ATF2: variants seen among roughly 807,000 people sequenced by gnomAD.
The protein encoded by ATF2 is cyclic AMP-dependent transcription factor ATF-2.
A neutral mutation model predicts 60.6 loss-of-function variants in ATF2; 24 were observed. That is an observed-to-expected ratio of 0.40 (90% CI 0.29 to 0.56). The LOEUF (loss-of-function observed/expected upper bound fraction) is 0.56, where lower values mean the gene tolerates loss of function less well. Among genes scored for constraint, ATF2 ranks in the 20% least tolerant of loss-of-function variants. The probability of loss-of-function intolerance (pLI) is 0.54; values close to 1 mark genes in which losing one functional copy is unlikely to be tolerated. For synonymous variants in ATF2, 206 were observed against 215.4 expected (o/e 0.96, Z 0.38); for missense variants, 433 against 607.7 (o/e 0.71, Z 3.02).
intron 13 of ATF2, among the ~76,000 whole-genome samples, chr2:175,075,393 G>A (rs1243366589): frequency 6.6e-6 from 1 of 152,106 alleles, no homozygotes; most frequent in African/African-American, 2.4e-5. Flanking sequence ...AGAACAAGCA[G>A]TATTTAGAAT....
intron 13 of ATF2, among the ~76,000 whole-genome samples, chr2:175,078,691 T>A (rs951483574): frequency 6.6e-6 from 1 of 152,180 alleles, no homozygotes; most frequent in African/African-American, 2.4e-5. Context: ...TTTTAAAGAT[T>A]TAGCTAGTAT....
chr2:175,166,930 G>A (rs1700386625), intron 1 of ATF2, among the ~76,000 whole-genome samples: 1 of 152,088 alleles, frequency 6.6e-6, no homozygotes, highest in African/African-American at 2.4e-5. Context: ...ATAATAGCCA[G>A]GAAAGCATTA....
chr2:175,080,099 C>T (rs552945049), intron 13 of ATF2, among the ~76,000 whole-genome samples: 9 of 152,082 alleles, frequency 5.9e-5, no homozygotes, highest in Non-Finnish European at 1.2e-4. Context: ...AGGAAATTTA[C>T]AAGCAGATAA....
intron 10 of ATF2, among the ~76,000 whole-genome samples, chr2:175,108,591 G>A (rs559608799): frequency 2.1e-4 from 31 of 151,006 alleles, no homozygotes; most frequent in Non-Finnish European, 4.0e-4. Flanking sequence ...CGACCCGTCC[G>A]GGAGGTGGGG....
rs764967442 is a variant in ATF2 at position 175,074,803 on chromosome 2, A to T, written c.1324T>A (p.Ser442Thr). 35 of 1,613,440 alleles carry T rather than the reference A, an allele frequency of 2.2e-5. No homozygotes were observed. The Admixed American group carries it at 5.7e-4, about 26-fold the overall frequency. The change falls in exon 14 of 14, where the codon TCA (serine) becomes ACA (threonine). Residue 442 changes from serine (S) to threonine (T), a missense_variant. By Grantham distance (58) the Ser-to-Thr change is moderately conservative. This residue lies in a region of ATF2 where 114 missense variants were observed against 104.0 expected (regional missense o/e 1.10). Coordinates refer to ENST00000264110, the MANE Select transcript of ATF2 (RefSeq NM_001880.4). ...ADKDDSSEDI[S>T]VPSSPHTEAI... ...TCTGTATGTGGACTACTCGGCACTG[A>T]AATGTCTTCTGAACTATCATCTTTA...
rs142121031 is a variant in ATF2, at chr2:175,165,419, T to C, written c.-143+2631A>G. On this transcript the variant is annotated intron_variant, in intron 1 of 13. Transcript: ENST00000264110. ...GTAGAAAAAGCACACATTGGTGAGATTGTTTACCTGATCTAACACGATCTA... is the reference window on the plus strand; with the variant it reads ...GTAGAAAAAGCACACATTGGTGAGACTGTTTACCTGATCTAACACGATCTA... Among the ~76,000 whole-genome samples the C allele has an allele frequency of 5.1e-4, 78 of 152,314 alleles. No homozygotes were observed. In the East Asian group the frequency reaches 0.013, roughly 26 times the overall value.
intron 12 of ATF2, chr2:175,092,693 G>A (rs974598860): frequency 5.2e-6 from 2 of 387,918 alleles, no homozygotes; most frequent in Non-Finnish European, 9.9e-6. Flanking sequence ...TGCTACTGAA[G>A]AAACTTATAG....
chr2:175,096,271 C>A (rs1694930048), intron 11 of ATF2, among the ~76,000 whole-genome samples: 1 of 152,144 alleles, frequency 6.6e-6, no homozygotes, highest in Non-Finnish European at 1.5e-5. Flanking sequence ...CAATATCAAT[C>A]ATCTCATAGG....
rs1696744786 is a variant in ATF2, at chr2:175,118,599, G to T, written c.200-230C>A. On this transcript the variant is annotated intron_variant, in intron 5 of 13. Coordinates refer to ENST00000264110, the MANE Select transcript of ATF2 (RefSeq NM_001880.4). ...TGAAAGTAGGAAAGAAGTCCTTTTT[G>T]CTCCTTAGTCCACTGCTTCTTTCTG... Among the ~76,000 whole-genome samples the T allele has an allele frequency of 2.0e-5, 3 of 151,552 alleles. No individual in the cohort carries two copies. In the South Asian group the frequency reaches 6.2e-4, roughly 31 times the overall value.
chr2:175,123,145 C>T (rs1697085021), intron 4 of ATF2, among the ~76,000 whole-genome samples: 1 of 152,008 alleles, frequency 6.6e-6, no homozygotes, highest in Non-Finnish European at 1.5e-5. Context: ...CTTCCTATTA[C>T]TTTATCATTA....
At chr2:175,121,578 A>C (rs773140053) in intron 4 of ATF2, 38 bp from the exon 5 acceptor site, 12 of 1,435,052 alleles carry the variant, frequency 8.4e-6, no homozygotes, top group Non-Finnish European at 1.1e-5. Flanking sequence ...TAAGATTTTC[A>C]ATTTGATCAA....
At chr2:175,120,168 T>C (rs889874713) in intron 5 of ATF2, among the ~76,000 whole-genome samples, 4 of 151,628 alleles carry the variant, frequency 2.6e-5, no homozygotes, top group African/African-American at 9.7e-5. Context: ...CAGACAGAGA[T>C]TGTGCTAAGG....
intron 11 of ATF2, 46 bp from the exon 12 acceptor site, chr2:175,093,313 G>A (rs1396665014): frequency 1.9e-6 from 3 of 1,576,902 alleles, no homozygotes; most frequent in African/African-American, 2.7e-5. Context: ...TATCTAGTGA[G>A]TGAATTAACA....
chr2:175,073,783 C>T lies in ATF2; in HGVS notation c.*826G>A, dbSNP rs886151804. 2 of 151,790 alleles carry T rather than the reference C, an allele frequency of 1.3e-5. No individual in the cohort carries two copies. Among genetic ancestry groups the T allele is most frequent in the African/African-American group, 4.8e-5 (2 of 41,314 alleles). 9.4% of individuals were successfully genotyped at this position (151,790 alleles called of 1,614,324 possible). A position where few individuals can be genotyped will look rare whatever the true frequency, so the allele number is the denominator to read the frequency against. On this transcript the variant is annotated 3_prime_UTR_variant, in exon 14 of 14. Transcript: ENST00000264110. Reference sequence around the variant, plus strand: ...TCTGTAAAAACAACAACAAAAAAACCAAAAACAAGAGCTAATTTCAAAAAT... The same window carrying T: ...TCTGTAAAAACAACAACAAAAAAACTAAAAACAAGAGCTAATTTCAAAAAT...
chr2:175,136,557 G>A, intron 2 of ATF2, 71 bp from the exon 3 acceptor site: 1 of 1,020,708 alleles, frequency 9.8e-7, no homozygotes, highest in Non-Finnish European at 1.5e-6. Flanking sequence ...AGAAAATAAA[G>A]TGCTCAAATT....
At chr2:175,133,395 G>T (rs1697887366) in intron 3 of ATF2, among the ~76,000 whole-genome samples, 1 of 152,126 alleles carries the variant, frequency 6.6e-6, no homozygotes, top group South Asian at 2.1e-4. Flanking sequence ...AGTGGGAAAA[G>T]GATGGTCTTT....
At chr2:175,093,006 A>T in intron 12 of ATF2, 55 bp downstream of exon 12, 4 of 1,570,442 alleles carry the variant, frequency 2.5e-6, no homozygotes, top group Non-Finnish European at 3.5e-6. Context: ...AAAAAAATCT[A>T]TGTTCACAAT....
chr2:175,123,142 T>C (rs1697084622), intron 4 of ATF2, among the ~76,000 whole-genome samples: 1 of 152,074 alleles, frequency 6.6e-6, no homozygotes, highest in Admixed American at 6.6e-5. Flanking sequence ...TGTCTTCCTA[T>C]TACTTTATCA....
chr2:175,143,051 C>T (rs910314315), intron 2 of ATF2, among the ~76,000 whole-genome samples: 1 of 152,098 alleles, frequency 6.6e-6, no homozygotes, highest in Non-Finnish European at 1.5e-5. Flanking sequence ...AGAAGGAGAT[C>T]ACTTGTTATA....
Sources: allele counts gnomAD v4.1 joint callset (sites outside exome capture counted in the v4.1 genomes callset), GRCh38; gene constraint gnomAD v4.1.1; regional missense constraint gnomAD v4.1.1; transcripts MANE v1.5; gene names NCBI Gene and HGNC (gene_info 2026-07-23, HGNC 2026-07-21).